SLC47A1: variants seen among roughly 807,000 people sequenced by gnomAD.
The protein encoded by SLC47A1 is solute carrier family 47 member 1, also known as multidrug and toxin extrusion protein 1.
In SLC47A1, 58 loss-of-function variants were observed where a neutral mutation model predicts 65.8. The observed-to-expected ratio is 0.88, with a 90% CI of 0.71 to 1.10. The LOEUF (loss-of-function observed/expected upper bound fraction) is 1.10, where lower values mean the gene tolerates loss of function less well. Ranked by LOEUF, SLC47A1 falls within the 50% of genes least tolerant of loss-of-function variation. The pLI, the probability that SLC47A1 is intolerant of heterozygous loss-of-function variation, is 0.00. For missense variants in SLC47A1, 706 were observed against 719.2 expected, an observed-to-expected ratio of 0.98 and a Z score of 0.21; for synonymous variants, 285 against 295.0, an observed-to-expected ratio of 0.97 and a Z score of 0.35.
In SLC47A1 at chr17:19,553,871, G is replaced by A. The variant is rs1040942903; in HGVS notation, c.544-1341G>A. 2.6e-5 allele frequency among the ~76,000 whole-genome samples: 4 copies of A among 152,148 alleles called. No individual in the cohort carries two copies. In the East Asian group the frequency reaches 5.8e-4, roughly 22 times the overall value. ...ATTCATTTCTTGCCATTTGTCCTCT[G>A]TGTCATTTCAGAGGACCTTAACCTG... On this transcript the variant is annotated intron_variant, in intron 6 of 16. Coordinates refer to ENST00000270570, the MANE Select transcript of SLC47A1 (RefSeq NM_018242.3).
At chr17:19,542,822 C>T (rs1228543038) in intron 2 of SLC47A1, among the ~76,000 whole-genome samples, 50 of 147,266 alleles carry the variant, frequency 3.4e-4, no homozygotes, top group Admixed American at 2.0e-4. Flanking sequence ...GATGAAGTCT[C>T]GCGCTGTTAC....
rs2084455228 is a variant in SLC47A1 at position 19,578,147 on chromosome 17, C to T, written c.*594C>T. On this transcript the variant is annotated 3_prime_UTR_variant, in exon 17 of 17. Transcript: ENST00000270570. The stretch of plus-strand genomic sequence containing the variant: ...TACAGGGGTATGCCACCATGCCCAG[C>T]TGGCATTTGTTAATCTTCATTTGAG... 4.6e-6 allele frequency: 2 copies of T among 432,842 alleles called. No individual in the cohort carries two copies. The highest frequency in any genetic ancestry group is 3.5e-5 in the South Asian group (2 of 57,686). 26.8% of individuals were successfully genotyped at this position (432,842 alleles called of 1,614,324 possible).
chr17:19,541,889 G>C (rs1477959975), intron 1 of SLC47A1, among the ~76,000 whole-genome samples: 1 of 152,238 alleles, frequency 6.6e-6, no homozygotes, highest in East Asian at 1.9e-4. Flanking sequence ...CACTTTGGGA[G>C]GCCGAGGCAG....
chr17:19,571,815 C>T (rs888823792), intron 15 of SLC47A1, among the ~76,000 whole-genome samples: 15 of 152,188 alleles, frequency 9.9e-5, no homozygotes, highest in African/African-American at 3.6e-4. Flanking sequence ...GCCAGGCTGT[C>T]ACCCTTGTGC....
intron 10 of SLC47A1, among the ~76,000 whole-genome samples, chr17:19,559,321 GC>G (rs1246381640): frequency 3.3e-5 from 5 of 152,166 alleles, no homozygotes; most frequent in African/African-American, 1.2e-4. Context: ...TTCCTTTAGT[GC>G]CACTCCTGTC....
chr17:19,566,325 T>A (rs929536078), intron 12 of SLC47A1, among the ~76,000 whole-genome samples: 1 of 152,236 alleles, frequency 6.6e-6, no homozygotes, highest in African/African-American at 2.4e-5. Flanking sequence ...AGCTGTGAGA[T>A]ACAACATGCA....
intron 14 of SLC47A1, among the ~76,000 whole-genome samples, chr17:19,569,229 A>G (rs534386762): frequency 6.6e-6 from 1 of 151,952 alleles, no homozygotes; most frequent in Admixed American, 6.6e-5. Context: ...AAAATTAGCC[A>G]GGTGTGGTGG....
chr17:19,537,062 T>A (rs1259398986), intron 1 of SLC47A1, among the ~76,000 whole-genome samples: 1 of 152,190 alleles, frequency 6.6e-6, no homozygotes, highest in Non-Finnish European at 1.5e-5. Context: ...CTGTGCCTCT[T>A]CTTGGTCATC....
At chr17:19,551,528 TG>T in intron 6 of SLC47A1, 60 bp downstream of exon 6, 1 of 1,486,706 alleles carries the variant, frequency 6.7e-7, no homozygotes, top group Non-Finnish European at 9.4e-7. Flanking sequence ...TTTCTGGGAA[TG>T]GGGGCCCTGA....
intron 12 of SLC47A1, among the ~76,000 whole-genome samples, chr17:19,563,714 C>T (rs1002048824): frequency 6.6e-5 from 10 of 152,102 alleles, no homozygotes; most frequent in East Asian, 3.9e-4. Context: ...ATAGGCTGGG[C>T]GCGGTGGCTC....
At chr17:19,548,499 C>CTTT (rs11341022) in intron 4 of SLC47A1, among the ~76,000 whole-genome samples, 1 of 123,452 alleles carries the variant, frequency 8.1e-6, no homozygotes, top group Non-Finnish European at 1.7e-5. Context: ...CAAGATTTTT[C>CTTT]TTTTTTTTTT....
intron 12 of SLC47A1, among the ~76,000 whole-genome samples, chr17:19,561,008 G>A (rs1472094233): frequency 6.6e-6 from 1 of 151,802 alleles, no homozygotes; most frequent in Middle Eastern, 3.2e-3. Flanking sequence ...GGTAATCCTA[G>A]CACTTTGGTA....
At chr17:19,564,601 G>A (rs566151199) in intron 12 of SLC47A1, 1 of 152,098 alleles carries the variant, frequency 6.6e-6, no homozygotes. Context: ...TGTTCATATT[G>A]TTCCATTTTT....
chr17:19,567,027 G>T (rs2084363493), intron 13 of SLC47A1, 69 bp from the exon 14 acceptor site: 2 of 1,610,794 alleles, frequency 1.2e-6, no homozygotes, highest in Non-Finnish European at 8.5e-7. Context: ...AATATGAAGT[G>T]CTCGGGAGAT....
intron 2 of SLC47A1, among the ~76,000 whole-genome samples, chr17:19,545,786 G>C (rs1836030311): frequency 6.6e-6 from 1 of 152,042 alleles, no homozygotes; most frequent in Non-Finnish European, 1.5e-5. Flanking sequence ...CACCACACCT[G>C]GCCAACAATT....
At chr17:19,571,684 A>G in intron 15 of SLC47A1, 112 bp downstream of exon 15, 2 of 738,890 alleles carry the variant, frequency 2.7e-6, no homozygotes, top group Middle Eastern at 2.4e-4. Flanking sequence ...CTTTATTCTT[A>G]TCTCATGAAT....
At position 19,555,320 on chromosome 17, in the gene SLC47A1, C is replaced by A. The variant is rs541092451; in HGVS notation, c.641+11C>A. On this transcript the variant is annotated intron_variant, in intron 7 of 16. Coordinates refer to ENST00000270570, the MANE Select transcript of SLC47A1 (RefSeq NM_018242.3). Reference sequence around the variant, plus strand: ...GCATCTTGGGGTGATGTGAGTCCAACATACTCTTGGGACAGGGAGAAGGGA... The same window carrying A: ...GCATCTTGGGGTGATGTGAGTCCAAAATACTCTTGGGACAGGGAGAAGGGA... The A allele has an allele frequency of 1.2e-6, 2 of 1,613,680 alleles. No individual in the cohort carries two copies. Among genetic ancestry groups the A allele is most frequent in the African/African-American group, 1.3e-5 (1 of 75,048 alleles).
At chr17:19,567,294 C>T (rs1237613915) in intron 14 of SLC47A1, 66 bp downstream of exon 14, 2 of 1,605,456 alleles carry the variant, frequency 1.2e-6, no homozygotes, top group African/African-American at 1.3e-5. Flanking sequence ...CGTCGGAGCA[C>T]ACGGGTCTTT....
At chr17:19,550,753 A>T (rs1415476255) in intron 5 of SLC47A1, among the ~76,000 whole-genome samples, 1 of 152,200 alleles carries the variant, frequency 6.6e-6, no homozygotes, top group Non-Finnish European at 1.5e-5. Context: ...TGGAAGTCCA[A>T]GGTCAAGGTG....
Sources: allele counts gnomAD v4.1 joint callset (sites outside exome capture counted in the v4.1 genomes callset), GRCh38; gene constraint gnomAD v4.1.1; transcripts MANE v1.5; gene names NCBI Gene and HGNC (gene_info 2026-07-23, HGNC 2026-07-21).